SUSD1: variants seen among roughly 807,000 people sequenced by gnomAD.
The protein encoded by SUSD1 is sushi domain-containing protein 1.
A neutral mutation model predicts 86.9 loss-of-function variants in SUSD1; 65 were observed. That is an observed-to-expected ratio of 0.75 (90% confidence interval 0.61 to 0.92). SUSD1 has a LOEUF of 0.92. Among genes scored for constraint, SUSD1 ranks in the 40% least tolerant of loss-of-function variants. The pLI is 0.00. For synonymous variants in SUSD1, 346 were observed against 350.0 expected (o/e 0.99, Z 0.13); for missense variants, 850 against 929.7 (o/e 0.91, Z 1.11).
At chr9:112,067,118 T>C (rs1428182802) in intron 12 of SUSD1, among the ~76,000 whole-genome samples, 1 of 152,196 alleles carries the variant, frequency 6.6e-6, no homozygotes, top group East Asian at 1.9e-4. Flanking sequence ...CCTCAGGTGA[T>C]CCGCCCACCT....
At chr9:112,109,454 G>T (rs1231391935) in intron 8 of SUSD1, among the ~76,000 whole-genome samples, 1 of 152,198 alleles carries the variant, frequency 6.6e-6, no homozygotes, top group African/African-American at 2.4e-5. Flanking sequence ...CTGAGTAAAT[G>T]TGGAAACATA....
At chr9:112,164,474 G>A (rs1833695001) in intron 1 of SUSD1, among the ~76,000 whole-genome samples, 1 of 151,352 alleles carries the variant, frequency 6.6e-6, no homozygotes, top group Admixed American at 6.6e-5. Context: ...TTGAGCCCAG[G>A]AGTGCAAAGT....
rs147134164 is a variant in SUSD1 at position 112,147,764 on chromosome 9, G to A, written c.373+1480C>T. On this transcript the variant is annotated intron_variant, in intron 3 of 16. Coordinates refer to ENST00000374270, the MANE Select transcript of SUSD1 (RefSeq NM_022486.5). ...AGCCTGGGCAACAGAGCGAGACTCC[G>A]TCTCAAAAAGAAAAGAAAAGAAAAA... Among the ~76,000 whole-genome samples, 622 of 152,248 alleles carry A rather than the reference G, an allele frequency of 4.1e-3. 4 individuals carry two copies. Among genetic ancestry groups the A allele is most frequent in the Non-Finnish European group, 6.2e-3 (423 of 68,018 alleles).
In SUSD1 at chr9:112,157,606, G is replaced by A. The variant is rs115339119; in HGVS notation, c.111C>T (p.Asp37=). ...AAGAPGPDGL[D]VCATCHEHAT... ...CATGTTCATGGCAAGTGGCACAGAC[G>A]TCTAAACCTGAATCATAAATTGTAT... is the stretch of plus-strand genomic sequence containing the variant. The change falls in exon 2 of 17, where the codon GAC becomes GAT. Residue 37 remains aspartate, a synonymous_variant. Coordinates refer to ENST00000374270, the MANE Select transcript of SUSD1 (RefSeq NM_022486.5). The A allele has an allele frequency of 1.1e-3, 1,741 of 1,611,796 alleles. 21 individuals are homozygous for A. The African/African-American group carries it at 0.02, about 19-fold the overall frequency.
At chr9:112,128,298 T>G (rs1831866792) in intron 5 of SUSD1, among the ~76,000 whole-genome samples, 1 of 152,160 alleles carries the variant, frequency 6.6e-6, no homozygotes, top group African/African-American at 2.4e-5. Context: ...TTTGCCATGT[T>G]GCCCAGGCTG....
intron 15 of SUSD1, among the ~76,000 whole-genome samples, chr9:112,048,322 C>T (rs1395947888): frequency 6.6e-6 from 1 of 152,076 alleles, no homozygotes; most frequent in East Asian, 1.9e-4. Context: ...AATTTGGGAA[C>T]CATATTAGAA....
chr9:112,082,118 G>GA lies in SUSD1; in HGVS notation c.1475-1954dup, dbSNP rs201825925. Among the ~76,000 whole-genome samples the GA allele has an allele frequency of 1.3e-3, 188 of 150,224 alleles. 1 individual carries two copies. The highest frequency in any genetic ancestry group is 4.3e-3 in the African/African-American group (176 of 40,968). On this transcript the variant is annotated intron_variant, in intron 10 of 16. Coordinates refer to ENST00000374270, the MANE Select transcript of SUSD1 (RefSeq NM_022486.5). ...TTCTAGACAATGCAGAAAAAGGCAA[G>GA]AAAAAAAAATGAGCTATAAATGCCA...
At position 112,080,164 on chromosome 9, in the gene SUSD1, T is replaced by C. The variant is rs755336246; in HGVS notation, c.1476A>G (p.Val492=). The C allele has an allele frequency of 2.5e-6, 4 of 1,609,790 alleles. No individual in the cohort carries two copies. Among genetic ancestry groups the C allele is most frequent in the South Asian group, 2.2e-5 (2 of 90,994 alleles). Residue 492 remains valine, a splice_region_variant and synonymous_variant, in exon 11 of 17, where the codon GTA becomes GTG. Transcript: ENST00000374270. The part of the protein sequence containing the change: ...VQITIATPPA[V]KQTISNISGF... ...CTGAAATGTTACTGATGGTCTGTTTTACTGTAGTGGAAAAGAAATGAGAAA... is the reference window on the plus strand; with the variant it reads ...CTGAAATGTTACTGATGGTCTGTTTCACTGTAGTGGAAAAGAAATGAGAAA...
chr9:112,066,424 A>T (rs948481706), intron 12 of SUSD1, among the ~76,000 whole-genome samples: 1 of 152,200 alleles, frequency 6.6e-6, no homozygotes, highest in East Asian at 1.9e-4. Context: ...CATTCAGGGA[A>T]CTGTGACTTG....
At chr9:112,147,695 T>G (rs894279047) in intron 3 of SUSD1, among the ~76,000 whole-genome samples, 3 of 149,450 alleles carry the variant, frequency 2.0e-5, no homozygotes, top group Admixed American at 2.0e-4. Context: ...CTTGAACCCG[T>G]GAGGCAGAGC....
intron 8 of SUSD1, among the ~76,000 whole-genome samples, chr9:112,103,618 CT>C (rs1830715411): frequency 6.6e-6 from 1 of 152,166 alleles, no homozygotes; most frequent in Non-Finnish European, 1.5e-5. Flanking sequence ...AGGCATCTGG[CT>C]CCCACTTCCC....
intron 6 of SUSD1, among the ~76,000 whole-genome samples, chr9:112,123,947 T>C (rs1831658432): frequency 1.3e-5 from 2 of 152,164 alleles, no homozygotes; most frequent in Non-Finnish European, 2.9e-5. Flanking sequence ...GTTAGGAGCA[T>C]GCCCCTCTGA....
intron 15 of SUSD1, among the ~76,000 whole-genome samples, chr9:112,049,145 G>T (rs1251107479): frequency 6.6e-6 from 1 of 152,212 alleles, no homozygotes; most frequent in East Asian, 1.9e-4. Flanking sequence ...CTACAGGTAG[G>T]AAGGCCTATG....
chr9:112,126,147 C>A (rs1443028275), intron 5 of SUSD1, among the ~76,000 whole-genome samples: 2 of 152,226 alleles, frequency 1.3e-5, no homozygotes, highest in Non-Finnish European at 2.9e-5. Context: ...CATAAGACTG[C>A]CTAGTCACAT....
rs529470594 is a variant in SUSD1, at chr9:112,142,961, C to CTT, written c.527-464_527-463dup. ...AATCCTTTAAGTTTATGAATTTTAG[C>CTT]TTTTTTTTTTTTTTTTTTTTTTTTT... On this transcript the variant is annotated intron_variant, in intron 4 of 16. Coordinates refer to ENST00000374270, the MANE Select transcript of SUSD1 (RefSeq NM_022486.5). 9.3e-4 allele frequency among the ~76,000 whole-genome samples: 28 copies of CTT among 30,216 alleles called. 5 individuals are homozygous for CTT. The highest frequency in any genetic ancestry group is 0.071 in the Middle Eastern group (2 of 28). The allele number at this position is 30,216 out of a possible 152,430, so 19.8% of individuals were successfully genotyped here. A position where few individuals can be genotyped will look rare whatever the true frequency, so the allele number is the denominator to read the frequency against.
At chr9:112,088,656 AAG>A (rs1197093405) in intron 10 of SUSD1, among the ~76,000 whole-genome samples, 4 of 152,154 alleles carry the variant, frequency 2.6e-5, no homozygotes, top group African/African-American at 9.7e-5. Context: ...AAAATTAGCC[AAG>A]CATGGTGGTT....
chr9:112,143,665 A>G, intron 3 of SUSD1, 42 bp from the exon 4 acceptor site: 1 of 1,545,306 alleles, frequency 6.5e-7, no homozygotes, highest in Non-Finnish European at 8.7e-7. Context: ...ATAAAAACAG[A>G]AAAAAGAAAA....
At chr9:112,154,746 G>A (rs898111671) in intron 2 of SUSD1, among the ~76,000 whole-genome samples, 4 of 152,090 alleles carry the variant, frequency 2.6e-5, no homozygotes, top group Non-Finnish European at 5.9e-5. Context: ...GGGACATTTC[G>A]GTTTGCAGAG....
intron 8 of SUSD1, 41 bp from the exon 9 acceptor site, chr9:112,102,326 C>G (rs1830666893): frequency 8.7e-7 from 1 of 1,148,854 alleles, no homozygotes; most frequent in Non-Finnish European, 1.2e-6. Flanking sequence ...CTTGCACCAT[C>G]TTAGCAAAAT....
Sources: allele counts gnomAD v4.1 joint callset (sites outside exome capture counted in the v4.1 genomes callset), GRCh38; gene constraint gnomAD v4.1.1; transcripts MANE v1.5; gene names NCBI Gene and HGNC (gene_info 2026-07-23, HGNC 2026-07-21).